ABCG8: variants seen among roughly 807,000 people sequenced by gnomAD.
ABCG8 encodes the protein ATP-binding cassette sub-family G member 8.
A neutral mutation model predicts 71.3 loss-of-function variants in ABCG8; 81 were observed. The observed-to-expected ratio is 1.14, with a 90% CI of 0.95 to 1.37. The LOEUF is 1.37. ABCG8 is among the 40% of genes most tolerant of loss of function. The probability of loss-of-function intolerance (pLI) is 0.00; values close to 1 mark genes in which losing one functional copy is unlikely to be tolerated. For missense variants in ABCG8, 1,119 were observed against 866.2 expected, an observed-to-expected ratio of 1.29 and a Z score of -3.66; for synonymous variants, 451 against 354.7, an observed-to-expected ratio of 1.27 and a Z score of -3.05.
rs1198591861 is a variant in ABCG8 at position 43,844,617 on chromosome 2, A to G, written c.165+9A>G. 2.5e-6 allele frequency: 4 copies of G among 1,602,928 alleles called. No individual in the cohort carries two copies. Among genetic ancestry groups the G allele is most frequent in the Non-Finnish European group, 3.4e-6 (4 of 1,169,972 alleles). On this transcript the variant is annotated intron_variant, in intron 2 of 12. Coordinates refer to ENST00000272286, the MANE Select transcript of ABCG8 (RefSeq NM_022437.3). Reference sequence around the variant, plus strand: ...GAGACCTCAACTACCAGGTAGAGGCACGCCTGGGTTCAAGGGGAGAGGAGC... The same window carrying G: ...GAGACCTCAACTACCAGGTAGAGGCGCGCCTGGGTTCAAGGGGAGAGGAGC...
At chr2:43,853,408 C>T (rs1402000190) in intron 6 of ABCG8, among the ~76,000 whole-genome samples, 7 of 152,166 alleles carry the variant, frequency 4.6e-5, no homozygotes, top group Admixed American at 3.9e-4. Flanking sequence ...GAGCATGAGC[C>T]GCTTCCTTCA....
chr2:43,845,047 A>G (rs1396816400), intron 2 of ABCG8, among the ~76,000 whole-genome samples: 1 of 151,340 alleles, frequency 6.6e-6, no homozygotes, highest in Non-Finnish European at 1.5e-5. Flanking sequence ...TATTAACTAC[A>G]GACTTTATTC....
chr2:43,860,864 G>A (rs1669290066), intron 6 of ABCG8, among the ~76,000 whole-genome samples: 2 of 150,782 alleles, frequency 1.3e-5, no homozygotes, highest in African/African-American at 4.9e-5. Context: ...CTAACAATCT[G>A]GATAGAATTC....
At position 43,881,699 on chromosome 2, in the gene ABCG8, C is replaced by A. The variant is rs1324832626; in HGVS notation, c.*3786C>A. On this transcript the variant is annotated 3_prime_UTR_variant, in exon 13 of 13. Coordinates refer to ENST00000272286, the MANE Select transcript of ABCG8 (RefSeq NM_022437.3). ...ACTCCAGCCTGGTGACAGAGCGATA[C>A]TCTGTCTCAAAAAAAAAAAAAAAAA... is the stretch of plus-strand genomic sequence containing the variant. 1.6e-5 allele frequency: 2 copies of A among 126,788 alleles called. No individual in the cohort carries two copies. Among genetic ancestry groups the A allele is most frequent in the East Asian group, 4.3e-4 (2 of 4,666 alleles). The allele number at this position is 126,788 out of a possible 1,614,324, so 7.9% of individuals were successfully genotyped here. A position where few individuals can be genotyped will look rare whatever the true frequency, so the allele number is the denominator to read the frequency against.
At chr2:43,874,599 A>G (rs779207120) in intron 10 of ABCG8, 116 bp downstream of exon 10, 11 of 850,068 alleles carry the variant, frequency 1.3e-5, no homozygotes, top group Admixed American at 1.8e-5. Flanking sequence ...GGTCATGTGA[A>G]GTCACCGATG....
intron 8 of ABCG8, 50 bp from the exon 9 acceptor site, chr2:43,873,737 G>A (rs370242954): frequency 7.0e-5 from 111 of 1,584,576 alleles, no homozygotes; most frequent in Non-Finnish European, 7.8e-5. Flanking sequence ...CCAGGGTCAC[G>A]GGGCTGGTGT....
chr2:43,857,342 C>G (rs936720055), intron 6 of ABCG8, among the ~76,000 whole-genome samples: 4 of 151,602 alleles, frequency 2.6e-5, no homozygotes, highest in African/African-American at 9.7e-5. Context: ...CTGGATAGAA[C>G]TCTCTCGTAT....
Position 43,881,320 on chromosome 2 carries a change from C to G in ABCG8, c.*3407C>G, listed in dbSNP as rs1023315401. 1 of 152,200 alleles carries G rather than the reference C, an allele frequency of 6.6e-6. No homozygotes were observed. Among genetic ancestry groups the G allele is most frequent in the Non-Finnish European group, 1.5e-5 (1 of 68,046 alleles). 9.4% of individuals were successfully genotyped at this position (152,200 alleles called of 1,614,324 possible). On this transcript the variant is annotated 3_prime_UTR_variant, in exon 13 of 13. Transcript: ENST00000272286. ...CTGGTTGCCCATGCTGGAGCTTTAA[C>G]AAAAGCCAATGTGGACCCATTGCCC... is the stretch of plus-strand genomic sequence containing the variant.
chr2:43,880,460 C>A lies in ABCG8; in HGVS notation c.*2547C>A, dbSNP rs1670100349. ...AAGTGTTGGGATTACAGGTGTGACC[C>A]ACCGCACCTGGTGTCACAGGTTCAT... On this transcript the variant is annotated 3_prime_UTR_variant, in exon 13 of 13. Coordinates refer to ENST00000272286, the MANE Select transcript of ABCG8 (RefSeq NM_022437.3). The A allele has an allele frequency of 6.6e-6, 1 of 152,200 alleles. No homozygotes were observed. The highest frequency in any genetic ancestry group is 1.5e-5 in the Non-Finnish European group (1 of 68,048). The allele number at this position is 152,200 out of a possible 1,614,324, so 9.4% of individuals were successfully genotyped here. A position where few individuals can be genotyped will look rare whatever the true frequency, so the allele number is the denominator to read the frequency against.
chr2:43,868,488 C>G (rs570624253), intron 6 of ABCG8, among the ~76,000 whole-genome samples: 24 of 152,104 alleles, frequency 1.6e-4, no homozygotes, highest in South Asian at 6.3e-4. Flanking sequence ...GGATAGAAGT[C>G]TCATTATCTG....
At chr2:43,855,840 G>A (rs72796763) in intron 6 of ABCG8, among the ~76,000 whole-genome samples, 8,211 of 150,740 alleles carry the variant, frequency 0.054, 275 homozygotes, top group Middle Eastern at 0.12. Context: ...AACTCTCAGT[G>A]TATATCTGGA....
chr2:43,845,594 G>T (rs530664181), intron 2 of ABCG8, among the ~76,000 whole-genome samples: 37 of 152,032 alleles, frequency 2.4e-4, no homozygotes, highest in African/African-American at 8.7e-4. Flanking sequence ...TTTTATTTCT[G>T]TACCACTATT....
chr2:43,875,785 C>G (rs1669941215), intron 11 of ABCG8, among the ~76,000 whole-genome samples: 1 of 152,168 alleles, frequency 6.6e-6, no homozygotes, highest in Admixed American at 6.5e-5. Context: ...TCTCTGTAAC[C>G]TGGGCCCCTC....
At chr2:43,850,274 G>A (rs1446093558) in intron 3 of ABCG8, among the ~76,000 whole-genome samples, 1 of 152,090 alleles carries the variant, frequency 6.6e-6, no homozygotes, top group Non-Finnish European at 1.5e-5. Context: ...CTAGCTCCAC[G>A]GTAGGAAGAT....
At chr2:43,839,443 T>G (rs1271061140) in intron 1 of ABCG8, among the ~76,000 whole-genome samples, 1 of 89,282 alleles carries the variant, frequency 1.1e-5, no homozygotes, top group East Asian at 4.5e-4. Flanking sequence ...TTTTTTTTTT[T>G]TGAGACGGAG....
intron 3 of ABCG8, among the ~76,000 whole-genome samples, chr2:43,848,882 CGTG>C (rs1399222814): frequency 6.6e-6 from 1 of 151,684 alleles, no homozygotes; most frequent in Non-Finnish European, 1.5e-5. Flanking sequence ...ATTAGCTGGG[CGTG>C]GTGGCACGTG....
intron 1 of ABCG8, among the ~76,000 whole-genome samples, chr2:43,842,779 A>AT (rs4148224): frequency 0.41 from 62,439 of 151,156 alleles, 13,491 homozygotes; most frequent in East Asian, 0.84. Flanking sequence ...TATCTTTCCC[A>AT]TTTTTTTCTG....
intron 6 of ABCG8, among the ~76,000 whole-genome samples, chr2:43,867,090 G>A (rs892553313): frequency 1.5e-4 from 23 of 150,976 alleles, no homozygotes; most frequent in African/African-American, 4.9e-4. Context: ...GTAAACTATC[G>A]CAAGAACAAA....
chr2:43,871,829 C>T, intron 6 of ABCG8, 147 bp from the exon 7 acceptor site: 2 of 1,198,902 alleles, frequency 1.7e-6, no homozygotes, highest in Non-Finnish European at 1.2e-6. Flanking sequence ...CTGCTCTGCC[C>T]CTTGCTTCAT....
Sources: allele counts gnomAD v4.1 joint callset (sites outside exome capture counted in the v4.1 genomes callset), GRCh38; gene constraint gnomAD v4.1.1; transcripts MANE v1.5; gene names NCBI Gene and HGNC (gene_info 2026-07-23, HGNC 2026-07-21).